CSMD3: variants seen among roughly 807,000 people sequenced by gnomAD.
The protein encoded by CSMD3 is CUB and Sushi multiple domains 3, also known as CUB and sushi domain-containing protein 3.
Under a neutral mutation model 435.2 loss-of-function variants are expected in CSMD3, and 177 were observed. The ratio of observed to expected loss-of-function variants is 0.41; its 90% CI spans 0.36 to 0.46. The LOEUF is 0.46. Ranked by LOEUF, CSMD3 falls within the 20% of genes least tolerant of loss-of-function variation. The probability of loss-of-function intolerance (pLI) is 0.34; values close to 1 mark genes in which losing one functional copy is unlikely to be tolerated. For synonymous variants in CSMD3, 1,656 were observed against 1,520.5 expected (o/e 1.09, Z -2.07); for missense variants, 4,265 against 4,504.6 (o/e 0.95, Z 1.52).
At chr8:112,665,437 C>T (rs1267633336) in intron 17 of CSMD3, among the ~76,000 whole-genome samples, 1 of 152,114 alleles carries the variant, frequency 6.6e-6, no homozygotes, top group Non-Finnish European at 1.5e-5. Context: ...TTAACACTAG[C>T]ATGGATAGAC....
chr8:113,121,393 A>T (rs375325106), intron 4 of CSMD3, among the ~76,000 whole-genome samples: 18 of 152,256 alleles, frequency 1.2e-4, no homozygotes, highest in East Asian at 5.8e-4. Context: ...GTTTTCTACA[A>T]AGGTGGATTT....
intron 22 of CSMD3, among the ~76,000 whole-genome samples, chr8:112,613,151 T>C (rs1377911354): frequency 6.6e-6 from 1 of 152,130 alleles, no homozygotes; most frequent in Non-Finnish European, 1.5e-5. Flanking sequence ...GGTGGTTTAA[T>C]TGTTCTTTTA....
chr8:113,194,003 A>G (rs550888454), intron 3 of CSMD3, among the ~76,000 whole-genome samples: 2 of 151,502 alleles, frequency 1.3e-5, no homozygotes, highest in African/African-American at 2.4e-5. Context: ...AGCAACATGA[A>G]TATTGTAGAA....
chr8:112,346,177 A>G lies in CSMD3; in HGVS notation c.6362T>C (p.Val2121Ala). 1 of 1,613,522 alleles carries G rather than the reference A, an allele frequency of 6.2e-7. No homozygotes were observed. The highest frequency in any genetic ancestry group is 8.5e-7 in the Non-Finnish European group (1 of 1,179,428). ...CGGAMSDFSG[V>A]ILSPGFPGNY... The stretch of plus-strand genomic sequence containing the variant: ...TCCAGGAAACCCAGGACTGAGGATC[A>G]CACCACTGAAGTCTGACATAGCACC... The change falls in exon 41 of 71, where the codon GTG becomes GCG. Residue 2121 changes from valine to alanine, a missense_variant. Physicochemically the swap from Val to Ala is moderately conservative, Grantham distance 64. Coordinates refer to ENST00000297405, the MANE Select transcript of CSMD3 (RefSeq NM_198123.2).
chr8:112,579,851 T>G (rs1830216052), intron 23 of CSMD3, among the ~76,000 whole-genome samples: 1 of 152,106 alleles, frequency 6.6e-6, no homozygotes, highest in Non-Finnish European at 1.5e-5. Context: ...TAACCTTTTC[T>G]TTCCCAGTTT....
chr8:112,400,324 G>C (rs1831210969), intron 35 of CSMD3, among the ~76,000 whole-genome samples: 1 of 152,012 alleles, frequency 6.6e-6, no homozygotes, highest in South Asian at 2.1e-4. Flanking sequence ...CTTTTATGAG[G>C]ACACTAATCC....
chr8:112,763,247 G>T (rs1351312872), intron 13 of CSMD3, among the ~76,000 whole-genome samples: 2 of 151,382 alleles, frequency 1.3e-5, no homozygotes, highest in East Asian at 1.9e-4. Flanking sequence ...AAAAAATCTT[G>T]TTGTGCATGT....
At chr8:112,999,274 A>C (rs1187056018) in intron 6 of CSMD3, among the ~76,000 whole-genome samples, 1 of 151,974 alleles carries the variant, frequency 6.6e-6, no homozygotes, top group African/African-American at 2.4e-5. Context: ...GGAAGACCTT[A>C]CTAAGATTTA....
At chr8:112,263,874 A>T in intron 60 of CSMD3, 62 bp from the exon 61 acceptor site, 2 of 1,396,280 alleles carry the variant, frequency 1.4e-6, no homozygotes, top group Non-Finnish European at 2.0e-6. Context: ...TTAAAGATAT[A>T]AATAAATATC....
At chr8:113,286,710 A>G (rs545689066) in intron 2 of CSMD3, among the ~76,000 whole-genome samples, 1 of 152,074 alleles carries the variant, frequency 6.6e-6, no homozygotes, top group East Asian at 1.9e-4. Flanking sequence ...AGAATGTAAA[A>G]AAAAAAGACT....
At chr8:113,126,469 A>G (rs1286988297) in intron 4 of CSMD3, among the ~76,000 whole-genome samples, 2 of 152,066 alleles carry the variant, frequency 1.3e-5, no homozygotes, top group Non-Finnish European at 2.9e-5. Context: ...TTAAACAAAT[A>G]ATATAGTAAT....
intron 4 of CSMD3, among the ~76,000 whole-genome samples, chr8:113,145,696 T>C (rs141310025): frequency 0.013 from 1,962 of 151,698 alleles, 19 homozygotes; most frequent in Non-Finnish European, 0.021. Flanking sequence ...TATTACCTGG[T>C]TTATTAATTT....
At chr8:112,303,270 T>C (rs1044816077) in intron 52 of CSMD3, among the ~76,000 whole-genome samples, 1 of 152,090 alleles carries the variant, frequency 6.6e-6, no homozygotes, top group Non-Finnish European at 1.5e-5. Flanking sequence ...AATTTAGAAA[T>C]ACAGGCTGTG....
intron 3 of CSMD3, among the ~76,000 whole-genome samples, chr8:113,257,782 T>C (rs186357560): frequency 3.3e-5 from 5 of 152,300 alleles, no homozygotes; most frequent in Non-Finnish European, 7.4e-5. Context: ...TCACACTGTA[T>C]CAAGTGTAGA....
At chr8:112,522,541 T>C (rs547610619) in intron 27 of CSMD3, among the ~76,000 whole-genome samples, 31 of 151,976 alleles carry the variant, frequency 2.0e-4, no homozygotes, top group African/African-American at 7.2e-4. Context: ...GAAGAGAACT[T>C]CTTATTATAG....
At chr8:112,469,423 T>A (rs72676619) in intron 32 of CSMD3, among the ~76,000 whole-genome samples, 28,158 of 152,150 alleles carry the variant, frequency 0.19, 3,197 homozygotes, top group Middle Eastern at 0.36. Flanking sequence ...TTAACCCCTA[T>A]GTAAAATGCA....
At chr8:112,330,294 T>C (rs1167960641) in intron 45 of CSMD3, among the ~76,000 whole-genome samples, 1 of 152,092 alleles carries the variant, frequency 6.6e-6, no homozygotes, top group Non-Finnish European at 1.5e-5. Flanking sequence ...TGAGTCATTA[T>C]GTAATCAACT....
At chr8:112,685,291 C>T in intron 15 of CSMD3, 115 bp downstream of exon 15, 1 of 790,282 alleles carries the variant, frequency 1.3e-6, no homozygotes, top group South Asian at 1.7e-5. Flanking sequence ...ATGAGATTTA[C>T]AGCTTTTACA....
At chr8:113,423,151 A>T (rs2094617446) in intron 1 of CSMD3, among the ~76,000 whole-genome samples, 1 of 152,124 alleles carries the variant, frequency 6.6e-6, no homozygotes, top group Non-Finnish European at 1.5e-5. Context: ...AATTCATCAC[A>T]TAAGGTCAGA....
Sources: gnomAD v4.1 joint callset for allele counts (sites outside exome capture counted in the v4.1 genomes callset) on GRCh38, gnomAD v4.1.1 for gene constraint, MANE v1.5 for transcripts, NCBI Gene and HGNC (gene_info 2026-07-23, HGNC 2026-07-21) for gene names.